The following MAP3K5 variants were observed in gnomAD, a reference collection of about 807,000 sequenced individuals.
The protein encoded by MAP3K5 is ASK-1.
MAP3K5 carries 56 observed loss-of-function variants against 158.7 expected under a neutral mutation model. The observed-to-expected ratio is 0.35, with a 90% CI of 0.28 to 0.44. MAP3K5 has a LOEUF of 0.44. Ranked by LOEUF, MAP3K5 falls within the 20% of genes least tolerant of loss-of-function variation. The pLI, the probability that MAP3K5 is intolerant of heterozygous loss-of-function variation, is 1.00. For missense variants in MAP3K5, 1,294 were observed against 1,674.8 expected, an observed-to-expected ratio of 0.77 and a Z score of 3.97; for synonymous variants, 579 against 601.7, an observed-to-expected ratio of 0.96 and a Z score of 0.55.
chr6:136,647,972 G>C (rs916826907), intron 11 of MAP3K5: 1 of 152,178 alleles, frequency 6.6e-6, no homozygotes, highest in African/African-American at 2.4e-5. Context: ...CATCTCAACA[G>C]TGCTTTCCTC....
At chr6:136,750,329 C>T (rs1487670623) in intron 1 of MAP3K5, among the ~76,000 whole-genome samples, 6 of 152,296 alleles carry the variant, frequency 3.9e-5, no homozygotes, top group East Asian at 1.9e-4. Flanking sequence ...CTGCCTGCCT[C>T]GGCCTCCCAA....
At chr6:136,710,008 G>A (rs958610927) in intron 2 of MAP3K5, among the ~76,000 whole-genome samples, 1 of 152,156 alleles carries the variant, frequency 6.6e-6, no homozygotes, top group Non-Finnish European at 1.5e-5. Flanking sequence ...GATGCTAAAG[G>A]GCTACAAATC....
intron 25 of MAP3K5, among the ~76,000 whole-genome samples, chr6:136,569,809 C>T (rs1021683248): frequency 1.3e-5 from 2 of 152,142 alleles, no homozygotes; most frequent in African/African-American, 2.4e-5. Flanking sequence ...TCAACAATAT[C>T]TTCCCATAAG....
At chr6:136,730,086 C>T (rs1171680662) in intron 1 of MAP3K5, among the ~76,000 whole-genome samples, 1 of 152,124 alleles carries the variant, frequency 6.6e-6, no homozygotes, top group Non-Finnish European at 1.5e-5. Context: ...AATCCTCCTA[C>T]CTCAGCCTCC....
At chr6:136,652,893 A>T (rs1196465464) in intron 10 of MAP3K5, among the ~76,000 whole-genome samples, 1 of 152,258 alleles carries the variant, frequency 6.6e-6, no homozygotes, top group Non-Finnish European at 1.5e-5. Context: ...CAGAGGTCAC[A>T]GAAAGGCTGG....
chr6:136,602,756 G>A (rs917572826), intron 19 of MAP3K5, among the ~76,000 whole-genome samples: 3 of 152,202 alleles, frequency 2.0e-5, no homozygotes, highest in African/African-American at 4.8e-5. Context: ...GGCTTAGAAA[G>A]GATGAGGTAA....
intron 15 of MAP3K5, among the ~76,000 whole-genome samples, chr6:136,620,980 G>A (rs1776771546): frequency 6.6e-6 from 1 of 152,176 alleles, no homozygotes; most frequent in Non-Finnish European, 1.5e-5. Flanking sequence ...GCCTCACTAT[G>A]TGAGATTCAA....
Position 136,633,314 on chromosome 6 carries a change from G to A in MAP3K5, c.2016+4011C>T, listed in dbSNP as rs548480864. Reference sequence around the variant, plus strand: ...CTCAAGAGGCTGCGGTGGGAGCACTGCTTGAACCCGGGGGTGGAGGTTGCA... The same window carrying A: ...CTCAAGAGGCTGCGGTGGGAGCACTACTTGAACCCGGGGGTGGAGGTTGCA... On this transcript the variant is annotated intron_variant, in intron 14 of 29. Transcript: ENST00000359015. Among the ~76,000 whole-genome samples, 3 of 152,026 alleles carry A rather than the reference G, an allele frequency of 2.0e-5. No individual in the cohort carries two copies. In the South Asian group the frequency reaches 6.2e-4, roughly 32 times the overall value.
chr6:136,767,113 T>G (rs1232525040), intron 1 of MAP3K5, among the ~76,000 whole-genome samples: 1 of 152,224 alleles, frequency 6.6e-6, no homozygotes, highest in Non-Finnish European at 1.5e-5. Flanking sequence ...TTTATCTCTA[T>G]AATAAATCTT....
intron 7 of MAP3K5, among the ~76,000 whole-genome samples, chr6:136,680,485 C>T (rs574011988): frequency 6.6e-6 from 1 of 152,104 alleles, no homozygotes; most frequent in African/African-American, 2.4e-5. Context: ...TCATGAACAC[C>T]ATTGCAGATC....
At chr6:136,686,827 T>G (rs561169055) in intron 7 of MAP3K5, among the ~76,000 whole-genome samples, 1 of 152,214 alleles carries the variant, frequency 6.6e-6, no homozygotes, top group Admixed American at 6.5e-5. Flanking sequence ...AGGATCAATA[T>G]CATGAAAATG....
chr6:136,566,495 G>A (rs1408856704), intron 26 of MAP3K5, among the ~76,000 whole-genome samples: 1 of 152,126 alleles, frequency 6.6e-6, no homozygotes, highest in East Asian at 1.9e-4. Context: ...ATAACGATGG[G>A]GTGTTATCCT....
In MAP3K5 at chr6:136,728,526, A is replaced by T. The variant is rs374711505; in HGVS notation, c.449-7937T>A. Reference sequence around the variant, plus strand: ...AACTGGTCACAGTTGGGCAATCCCTACTATAAATGACTACTCTTTTAGCTT... The same window carrying T: ...AACTGGTCACAGTTGGGCAATCCCTTCTATAAATGACTACTCTTTTAGCTT... On this transcript the variant is annotated intron_variant, in intron 1 of 29. Transcript: ENST00000359015. 1.4e-4 allele frequency among the ~76,000 whole-genome samples: 22 copies of T among 152,300 alleles called. No homozygotes were observed. In the East Asian group the frequency reaches 2.1e-3, roughly 15 times the overall value.
chr6:136,769,125 A>G (rs1310738236), intron 1 of MAP3K5, among the ~76,000 whole-genome samples: 1 of 152,222 alleles, frequency 6.6e-6, no homozygotes, highest in African/African-American at 2.4e-5. Context: ...ATGAATGGAT[A>G]AACAAAAGGT....
chr6:136,710,052 G>A (rs1313550894), intron 2 of MAP3K5, among the ~76,000 whole-genome samples: 2 of 152,202 alleles, frequency 1.3e-5, no homozygotes, highest in Non-Finnish European at 2.9e-5. Context: ...TTTATTCACA[G>A]TTTATCATGT....
At chr6:136,608,613 T>C (rs1776202142) in intron 18 of MAP3K5, among the ~76,000 whole-genome samples, 1 of 152,088 alleles carries the variant, frequency 6.6e-6, no homozygotes, top group Non-Finnish European at 1.5e-5. Context: ...TTAATTCCCT[T>C]TGGCCTGTTA....
chr6:136,678,083 T>C (rs746298032), intron 7 of MAP3K5, among the ~76,000 whole-genome samples: 8 of 152,232 alleles, frequency 5.3e-5, no homozygotes, highest in Non-Finnish European at 1.0e-4. Flanking sequence ...CTTTTCTTTG[T>C]ATGGCTCTGC....
At chr6:136,777,828 C>T (rs1244442195) in intron 1 of MAP3K5, among the ~76,000 whole-genome samples, 1 of 151,158 alleles carries the variant, frequency 6.6e-6, no homozygotes, top group East Asian at 1.9e-4. Flanking sequence ...GAATGCTTGG[C>T]ATTCAGGTTG....
intron 5 of MAP3K5, among the ~76,000 whole-genome samples, chr6:136,696,668 C>T (rs1196679524): frequency 6.6e-6 from 1 of 152,158 alleles, no homozygotes; most frequent in African/African-American, 2.4e-5. Flanking sequence ...GGATTTTATT[C>T]CACTTACCCT....
Sources: allele counts gnomAD v4.1 joint callset (sites outside exome capture counted in the v4.1 genomes callset), GRCh38; gene constraint gnomAD v4.1.1; transcripts MANE v1.5; gene names NCBI Gene and HGNC (gene_info 2026-07-23, HGNC 2026-07-21).